The following PRTFDC1 variants were observed in gnomAD, a reference collection of about 807,000 sequenced individuals.
PRTFDC1 encodes the protein phosphoribosyl transferase domain containing 1.
Under a neutral mutation model 34.6 loss-of-function variants are expected in PRTFDC1, and 38 were observed. The ratio of observed to expected loss-of-function variants is 1.10; its 90% CI spans 0.85 to 1.44. PRTFDC1 has a LOEUF of 1.44. PRTFDC1 is among the 40% of genes most tolerant of loss of function. PRTFDC1 has a pLI of 0.00. For missense variants in PRTFDC1, 270 were observed against 283.0 expected, an observed-to-expected ratio of 0.95 and a Z score of 0.33; for synonymous variants, 93 against 98.1, an observed-to-expected ratio of 0.95 and a Z score of 0.31.
intron 4 of PRTFDC1, among the ~76,000 whole-genome samples, chr10:24,866,657 T>G (rs1321022687): frequency 6.6e-6 from 1 of 152,026 alleles, no homozygotes; most frequent in Non-Finnish European, 1.5e-5. Context: ...ATAAAATGCT[T>G]TTAACATCAT....
intron 3 of PRTFDC1, among the ~76,000 whole-genome samples, chr10:24,893,250 C>A (rs1324278144): frequency 7.2e-6 from 1 of 139,306 alleles, no homozygotes; most frequent in African/African-American, 2.8e-5. Context: ...AACACTGATT[C>A]TTTTGTTCTC....
intron 3 of PRTFDC1, among the ~76,000 whole-genome samples, chr10:24,896,730 T>A (rs961434768): frequency 1.3e-5 from 2 of 152,164 alleles, no homozygotes; most frequent in African/African-American, 4.8e-5. Context: ...TCTGTGAAAT[T>A]CAAGGTCTTT....
Position 24,907,959 on chromosome 10 carries a change from C to A in PRTFDC1, c.339+29225G>T, listed in dbSNP as rs146085402. On this transcript the variant is annotated intron_variant, in intron 3 of 8. Coordinates refer to ENST00000320152, the MANE Select transcript of PRTFDC1 (RefSeq NM_020200.7). ...AGGGCTAGGCAACAAAATGGCATGACCTTTGTCCTAAGAGTTTGATTTTCA... is the reference window on the plus strand; with the variant it reads ...AGGGCTAGGCAACAAAATGGCATGAACTTTGTCCTAAGAGTTTGATTTTCA... Among the ~76,000 whole-genome samples the A allele has an allele frequency of 4.1e-4, 62 of 152,256 alleles. 1 individual carries two copies. The East Asian group carries it at 0.011, about 28-fold the overall frequency.
Position 24,937,370 on chromosome 10 carries a change from G to T in PRTFDC1, c.156-3C>A. ...TATCCTTGGCCAGCCGCTCAATTCTGAAAGAAGGATAAAAGATATATTAAG... is the reference window on the plus strand; with the variant it reads ...TATCCTTGGCCAGCCGCTCAATTCTTAAAGAAGGATAAAAGATATATTAAG... On this transcript the variant is annotated splice_polypyrimidine_tract_variant and splice_region_variant and intron_variant, in intron 2 of 8. Transcript: ENST00000320152. 6.2e-7 allele frequency: 1 copy of T among 1,603,288 alleles called. No individual in the cohort carries two copies. The highest frequency in any genetic ancestry group is 8.5e-7 in the Non-Finnish European group (1 of 1,176,394).
At chr10:24,910,451 A>G (rs1387933055) in intron 3 of PRTFDC1, among the ~76,000 whole-genome samples, 1 of 152,210 alleles carries the variant, frequency 6.6e-6, no homozygotes, top group African/African-American at 2.4e-5. Context: ...CTGCTGGACA[A>G]TTAAGATAAT....
intron 4 of PRTFDC1, 33 bp from the exon 5 acceptor site, chr10:24,858,442 G>A (rs1177249518): frequency 2.5e-6 from 4 of 1,609,196 alleles, no homozygotes; most frequent in African/African-American, 1.3e-5. Context: ...TTTAGAATGT[G>A]ATGCCAATCT....
intron 3 of PRTFDC1, among the ~76,000 whole-genome samples, chr10:24,920,361 AAGG>A (rs1423385705): frequency 6.6e-6 from 1 of 152,030 alleles, no homozygotes; most frequent in African/African-American, 2.4e-5. Flanking sequence ...CATCAAAAGG[AAGG>A]AGATCATGTC....
chr10:24,885,797 C>T (rs7078551), intron 3 of PRTFDC1, among the ~76,000 whole-genome samples: 44,495 of 152,126 alleles, frequency 0.29, 6,729 homozygotes, highest in South Asian at 0.38. Context: ...ATCTATGCAA[C>T]GTATTACTAT....
chr10:24,913,042 G>A (rs111804078), intron 3 of PRTFDC1, among the ~76,000 whole-genome samples: 1,895 of 152,290 alleles, frequency 0.012, 44 homozygotes, highest in African/African-American at 0.043. Context: ...TGACAATCCA[G>A]TTTAATGAAA....
intron 3 of PRTFDC1, among the ~76,000 whole-genome samples, chr10:24,877,199 C>A (rs1348668303): frequency 6.6e-6 from 1 of 152,056 alleles, no homozygotes; most frequent in Non-Finnish European, 1.5e-5. Flanking sequence ...CCATGCCCGA[C>A]TAATTTTTTT....
intron 4 of PRTFDC1, among the ~76,000 whole-genome samples, chr10:24,868,958 C>T (rs964867176): frequency 6.6e-6 from 1 of 152,198 alleles, no homozygotes; most frequent in African/African-American, 2.4e-5. Flanking sequence ...GTGTTTGTTA[C>T]ATGCATGGAA....
At chr10:24,920,452 T>C (rs1369475000) in intron 3 of PRTFDC1, among the ~76,000 whole-genome samples, 3 of 152,126 alleles carry the variant, frequency 2.0e-5, no homozygotes, top group Non-Finnish European at 2.9e-5. Context: ...AAGCACCACA[T>C]GTTCTCATTT....
chr10:24,900,948 G>C (rs1353753923), intron 3 of PRTFDC1, among the ~76,000 whole-genome samples: 1 of 152,186 alleles, frequency 6.6e-6, no homozygotes, highest in Non-Finnish European at 1.5e-5. Context: ...GCTAACAGGT[G>C]TTTGCAATTA....
At chr10:24,895,869 A>T (rs1428048390) in intron 3 of PRTFDC1, among the ~76,000 whole-genome samples, 3 of 151,976 alleles carry the variant, frequency 2.0e-5, no homozygotes, top group African/African-American at 7.3e-5. Flanking sequence ...CCTTCCATAT[A>T]AAAATGTTTT....
At chr10:24,855,268 A>G (rs1359099829) in intron 7 of PRTFDC1, 50 bp downstream of exon 7, 4 of 1,544,044 alleles carry the variant, frequency 2.6e-6, no homozygotes, top group Non-Finnish European at 3.6e-6. Flanking sequence ...ATGAAACACC[A>G]TAAGCACAAA....
chr10:24,937,476 G>C, intron 2 of PRTFDC1, 109 bp from the exon 3 acceptor site: 3 of 1,019,334 alleles, frequency 2.9e-6, no homozygotes, highest in Non-Finnish European at 2.7e-6. Context: ...AGAGGAATGT[G>C]GGGAAAACCT....
chr10:24,904,219 G>A (rs1418879660), intron 3 of PRTFDC1, among the ~76,000 whole-genome samples: 2 of 151,530 alleles, frequency 1.3e-5, no homozygotes, highest in African/African-American at 4.9e-5. Context: ...TGAGTGGGCT[G>A]CACATTTATA....
At chr10:24,892,573 A>C (rs1315142031) in intron 3 of PRTFDC1, among the ~76,000 whole-genome samples, 2 of 152,158 alleles carry the variant, frequency 1.3e-5, no homozygotes, top group Non-Finnish European at 2.9e-5. Flanking sequence ...AGAAAAAATA[A>C]TCTTTTCCTG....
In PRTFDC1 at chr10:24,942,327, C is replaced by A; in HGVS notation, c.155+3G>T. ...CAAGATTGACACAGGAAATCACACTCACCTGTCCACAATGATACCATGAGG... is the reference window on the plus strand; with the variant it reads ...CAAGATTGACACAGGAAATCACACTAACCTGTCCACAATGATACCATGAGG... On this transcript the variant is annotated splice_donor_region_variant and intron_variant, in intron 2 of 8. Transcript: ENST00000320152. 1 of 1,601,818 alleles carries A rather than the reference C, an allele frequency of 6.2e-7. No individual in the cohort carries two copies. Among genetic ancestry groups the A allele is most frequent in the Non-Finnish European group, 8.6e-7 (1 of 1,168,760 alleles).
Sources: gnomAD v4.1 joint callset for allele counts (sites outside exome capture counted in the v4.1 genomes callset) on GRCh38, gnomAD v4.1.1 for gene constraint, MANE v1.5 for transcripts, NCBI Gene and HGNC (gene_info 2026-07-23, HGNC 2026-07-21) for gene names.